IL1RAPL1: variants seen among roughly 807,000 people sequenced by gnomAD.
IL1RAPL1 encodes the protein interleukin 1 receptor accessory protein like 1, also known as interleukin-1 receptor accessory protein-like 1.
In IL1RAPL1, 3 loss-of-function variants were observed where a neutral mutation model predicts 48.4. The ratio of observed to expected loss-of-function variants is 0.06; its 90% CI spans 0.03 to 0.16. The LOEUF (loss-of-function observed/expected upper bound fraction) is 0.16, where lower values mean the gene tolerates loss of function less well. Ranked by LOEUF, IL1RAPL1 falls within the 10% of genes least tolerant of loss-of-function variation. IL1RAPL1 has a pLI of 1.00. For missense variants in IL1RAPL1, 349 were observed against 530.6 expected (o/e 0.66, Z 3.36); for synonymous variants, 185 against 187.7 (o/e 0.99, Z 0.12).
chrX:29,216,089 T>A (rs1164734337), intron 2 of IL1RAPL1, among the ~76,000 whole-genome samples: 2 of 112,467 alleles, frequency 1.8e-5, no homozygotes, highest in East Asian at 5.6e-4. Context: ...TTTATGGTCT[T>A]AATGAGCCTT....
intron 1 of IL1RAPL1, among the ~76,000 whole-genome samples, chrX:28,687,430 G>A (rs749417500): frequency 1.8e-5 from 2 of 111,933 alleles, no homozygotes; most frequent in Non-Finnish European, 1.9e-5. Context: ...GTAGAACAAC[G>A]TGAATTTTAG....
chrX:29,332,625 T>C (rs775582478), intron 3 of IL1RAPL1, among the ~76,000 whole-genome samples: 2 of 99,406 alleles, frequency 2.0e-5, no homozygotes, highest in South Asian at 8.0e-4. Context: ...TATTTATTTA[T>C]TTATTTATTT....
chrX:29,359,666 A>T (rs1332973144), intron 3 of IL1RAPL1, among the ~76,000 whole-genome samples: 1 of 111,752 alleles, frequency 8.9e-6, no homozygotes, highest in Non-Finnish European at 1.9e-5. Context: ...AATTTCCCAG[A>T]TGCTCTTCAT....
At position 29,226,554 on chromosome X, in the gene IL1RAPL1, TC is replaced by T. The variant is rs761568291; in HGVS notation, c.83-56381del. 1.4e-4 allele frequency among the ~76,000 whole-genome samples: 15 copies of T among 105,722 alleles called. No homozygotes were observed. The South Asian group carries it at 6.5e-3, about 46-fold the overall frequency. The allele number at this position is 105,722 out of a possible 115,157, so 91.8% of individuals were successfully genotyped here. On this transcript the variant is annotated intron_variant, in intron 2 of 10. Coordinates refer to ENST00000378993, the MANE Select transcript of IL1RAPL1 (RefSeq NM_014271.4). ...TTCAAGCAATTTTCCTTCCTTAGCC[TC>T]CCGAGTAGCTGGGATTACAGTGCCC... is the stretch of plus-strand genomic sequence containing the variant.
intron 2 of IL1RAPL1, among the ~76,000 whole-genome samples, chrX:29,192,412 A>G (rs1426989826): frequency 8.9e-6 from 1 of 112,123 alleles, no homozygotes; most frequent in Non-Finnish European, 1.9e-5. Context: ...CAGTGAACAC[A>G]TTTAATAGAT....
intron 2 of IL1RAPL1, among the ~76,000 whole-genome samples, chrX:29,003,074 A>AG (rs1925895324): frequency 9.0e-6 from 1 of 111,183 alleles, no homozygotes; most frequent in African/African-American, 3.3e-5. Flanking sequence ...TATAGGAAGG[A>AG]GGGGGGACAG....
chrX:29,494,318 A>G (rs1011503672), intron 5 of IL1RAPL1, among the ~76,000 whole-genome samples: 1 of 111,665 alleles, frequency 9.0e-6, no homozygotes, highest in African/African-American at 3.3e-5. Context: ...TTTTTTATGG[A>G]TGTATAATAT....
chrX:28,624,495 C>T (rs906753368), intron 1 of IL1RAPL1, among the ~76,000 whole-genome samples: 1 of 111,868 alleles, frequency 8.9e-6, no homozygotes, highest in Non-Finnish European at 1.9e-5. Context: ...CGTATGCACC[C>T]CACAGATCAA....
intron 1 of IL1RAPL1, among the ~76,000 whole-genome samples, chrX:28,745,270 C>T (rs1187438835): frequency 9.0e-6 from 1 of 111,646 alleles, no homozygotes; most frequent in Non-Finnish European, 1.9e-5. Context: ...CGTTCATTAC[C>T]TTCAGCCTTG....
Position 29,485,597 on chromosome X carries a change from TC to T in IL1RAPL1, c.703+86291del, listed in dbSNP as rs779025748. ...ATCTTTATCACAGGACTCTGAAACT[TC>T]CTGTGATTCACTTTCTCCATGGTGT... On this transcript the variant is annotated intron_variant, in intron 5 of 10. Coordinates refer to ENST00000378993, the MANE Select transcript of IL1RAPL1 (RefSeq NM_014271.4). Among the ~76,000 whole-genome samples the T allele has an allele frequency of 2.2e-3, 242 of 111,510 alleles. 2 individuals are homozygous for T. The highest frequency in any genetic ancestry group is 7.4e-3 in the African/African-American group (228 of 30,687).
chrX:28,889,981 T>C (rs1327159376), intron 2 of IL1RAPL1, among the ~76,000 whole-genome samples: 1 of 111,799 alleles, frequency 8.9e-6, no homozygotes, highest in Non-Finnish European at 1.9e-5. Flanking sequence ...GTAGACAGTG[T>C]TTTATTCTCC....
chrX:29,281,973 T>C (rs2147599264), intron 2 of IL1RAPL1, among the ~76,000 whole-genome samples: 2 of 111,670 alleles, frequency 1.8e-5, no homozygotes, highest in South Asian at 7.6e-4. Context: ...ACATGATCTC[T>C]TTTTTGTAAT....
At chrX:29,503,022 A>T (rs1481851035) in intron 5 of IL1RAPL1, among the ~76,000 whole-genome samples, 2 of 111,180 alleles carry the variant, frequency 1.8e-5, no homozygotes, top group Non-Finnish European at 3.8e-5. Flanking sequence ...TTCAATATTC[A>T]TAGGTTTTAT....
At chrX:28,836,143 A>G (rs1252985927) in intron 2 of IL1RAPL1, among the ~76,000 whole-genome samples, 1 of 109,852 alleles carries the variant, frequency 9.1e-6, no homozygotes, top group African/African-American at 3.3e-5. Flanking sequence ...CTGTCTTGCA[A>G]CTGTTAATCA....
intron 5 of IL1RAPL1, among the ~76,000 whole-genome samples, chrX:29,517,339 GTA>G (rs768548474): frequency 5.9e-4 from 62 of 105,113 alleles, no homozygotes; most frequent in African/African-American, 1.1e-3. Flanking sequence ...CATACCAAAT[GTA>G]TATATATATA....
At chrX:29,111,301 A>C (rs1332814288) in intron 2 of IL1RAPL1, among the ~76,000 whole-genome samples, 1 of 111,891 alleles carries the variant, frequency 8.9e-6, no homozygotes, top group Non-Finnish European at 1.9e-5. Flanking sequence ...GTTCCTAAAT[A>C]ATATATTGTT....
chrX:29,835,305 A>G (rs188582795), intron 6 of IL1RAPL1, among the ~76,000 whole-genome samples: 1 of 112,197 alleles, frequency 8.9e-6, no homozygotes, highest in East Asian at 2.8e-4. Flanking sequence ...TATATATACA[A>G]TGTAGCATGG....
chrX:29,177,491 T>C (rs1159003785), intron 2 of IL1RAPL1, among the ~76,000 whole-genome samples: 1 of 112,264 alleles, frequency 8.9e-6, no homozygotes, highest in Non-Finnish European at 1.9e-5. Context: ...ATTTGAAATA[T>C]ACTTGGTTTT....
chrX:29,764,600 G>A (rs1199603056), intron 6 of IL1RAPL1, among the ~76,000 whole-genome samples: 4 of 111,860 alleles, frequency 3.6e-5, no homozygotes, highest in Non-Finnish European at 5.6e-5. Context: ...ACAGCTGGAG[G>A]ACATAAAAAA....
Sources: allele counts gnomAD v4.1 joint callset (sites outside exome capture counted in the v4.1 genomes callset), GRCh38; gene constraint gnomAD v4.1.1; transcripts MANE v1.5; gene names NCBI Gene and HGNC (gene_info 2026-07-23, HGNC 2026-07-21).